ARHGAP11B: variants seen among roughly 807,000 people sequenced by gnomAD.
The protein encoded by ARHGAP11B is Rho GTPase activating protein 11B, also known as inactive Rho GTPase-activating protein 11B.
In ARHGAP11B, 14 loss-of-function variants were observed where a neutral mutation model predicts 27.6. The observed-to-expected ratio is 0.51, with a 90% CI of 0.34 to 0.79. ARHGAP11B has a LOEUF of 0.79. Ranked by LOEUF, ARHGAP11B falls within the 30% of genes least tolerant of loss-of-function variation. ARHGAP11B has a pLI of 0.02. For synonymous variants in ARHGAP11B, 82 were observed against 114.1 expected (o/e 0.72, Z 1.80); for missense variants, 245 against 320.1 (o/e 0.77, Z 1.79).
intron 7 of ARHGAP11B, among the ~76,000 whole-genome samples, chr15:30,643,129 G>C (rs2060324961): frequency 1.3e-5 from 2 of 151,878 alleles, no homozygotes; most frequent in South Asian, 4.1e-4. Context: ...AATTTTACCA[G>C]TTGCCTCTAA....
intron 2 of ARHGAP11B, 127 bp from the exon 3 acceptor site, chr15:30,633,363 A>G (rs2060257552): frequency 1.4e-6 from 1 of 699,098 alleles, no homozygotes; most frequent in South Asian, 3.7e-5. Context: ...TTTCATCTCA[A>G]AGACTACAGA....
intron 7 of ARHGAP11B, among the ~76,000 whole-genome samples, chr15:30,641,200 C>T (rs1324348395): frequency 6.6e-6 from 1 of 151,926 alleles, no homozygotes; most frequent in Non-Finnish European, 1.5e-5. Context: ...CTTTCTCAGC[C>T]ACAATTCAAC....
intron 7 of ARHGAP11B, among the ~76,000 whole-genome samples, chr15:30,642,773 G>T (rs1164131315): frequency 6.6e-6 from 1 of 152,024 alleles, no homozygotes; most frequent in East Asian, 1.9e-4. Context: ...AGAGTTTAAA[G>T]AAAAGCTCTA....
chr15:30,638,957 T>C (rs1389847863), intron 7 of ARHGAP11B, 147 bp downstream of exon 7: 3 of 420,742 alleles, frequency 7.1e-6, no homozygotes, highest in Admixed American at 4.8e-5. Context: ...ATAGTCATAC[T>C]GTACTATACA....
intron 7 of ARHGAP11B, among the ~76,000 whole-genome samples, chr15:30,639,968 T>TAG (rs1468172770): frequency 7.5e-4 from 94 of 125,482 alleles, no homozygotes; most frequent in African/African-American, 2.3e-3. Context: ...TGTTTCAATA[T>TAG]AGAGTGTGTG....
rs943591259 is a variant in ARHGAP11B at position 30,627,095 on chromosome 15, T to G, written c.129+146T>G. ...TTCAGTTCAGATGATCGATTGCTGA[T>G]ATTTAAAAAGTGACATTCTTGTTTT... On this transcript the variant is annotated intron_variant, in intron 1 of 10. Transcript: ENST00000428041. 212 of 1,294,278 alleles carry G rather than the reference T, an allele frequency of 1.6e-4. 1 individual carries two copies. Among genetic ancestry groups the G allele is most frequent in the Admixed American group, 1.0e-4 (3 of 29,604 alleles). The allele number at this position is 1,294,278 out of a possible 1,614,324, so 80.2% of individuals were successfully genotyped here.
intron 7 of ARHGAP11B, among the ~76,000 whole-genome samples, chr15:30,642,482 A>G (rs2060321386): frequency 6.6e-6 from 1 of 152,056 alleles, no homozygotes; most frequent in African/African-American, 2.4e-5. Context: ...AACAAATTAC[A>G]TTCAGGAGTC....
At chr15:30,627,126 T>C (rs1043343769) in intron 1 of ARHGAP11B, among the ~76,000 whole-genome samples, 177 bp downstream of exon 1, 17 of 151,986 alleles carry the variant, frequency 1.1e-4, no homozygotes, top group East Asian at 3.9e-4. Flanking sequence ...GTTTTTTTTT[T>C]CCCCAAGGAT....
At chr15:30,638,646 G>T in intron 6 of ARHGAP11B, 100 bp from the exon 7 acceptor site, 6 of 623,746 alleles carry the variant, frequency 9.6e-6, no homozygotes, top group Non-Finnish European at 1.6e-5. Context: ...ATAAGCCGAT[G>T]TAAAGTTACA....
intron 8 of ARHGAP11B, among the ~76,000 whole-genome samples, chr15:30,645,721 T>C (rs1457467892): frequency 1.3e-5 from 2 of 152,082 alleles, no homozygotes; most frequent in African/African-American, 2.4e-5. Context: ...AGTGATTTTA[T>C]TGGAACTTTT....
intron 1 of ARHGAP11B, among the ~76,000 whole-genome samples, chr15:30,629,065 A>G (rs2060227443): frequency 6.6e-6 from 1 of 152,106 alleles, no homozygotes; most frequent in South Asian, 2.1e-4. Flanking sequence ...TGATGATCAT[A>G]AGATTAACAA....
At chr15:30,627,170 C>T (rs918860427) in intron 1 of ARHGAP11B, among the ~76,000 whole-genome samples, 1 of 151,548 alleles carries the variant, frequency 6.6e-6, no homozygotes, top group African/African-American at 2.4e-5. Flanking sequence ...CAGGATTTTC[C>T]AACTTCAGCA....
chr15:30,629,380 C>T (rs1039214388), intron 1 of ARHGAP11B, among the ~76,000 whole-genome samples: 20 of 152,014 alleles, frequency 1.3e-4, no homozygotes, highest in Non-Finnish European at 2.5e-4. Flanking sequence ...CCCCGCCCCA[C>T]GTCTCTATTA....
chr15:30,632,636 T>A (rs567545812), intron 2 of ARHGAP11B, among the ~76,000 whole-genome samples: 20 of 151,136 alleles, frequency 1.3e-4, no homozygotes, highest in Non-Finnish European at 2.5e-4. Context: ...TCATTCTAAT[T>A]TGTGGGTCCC....
At chr15:30,637,311 C>G (rs1470351520) in intron 6 of ARHGAP11B, among the ~76,000 whole-genome samples, 1 of 152,040 alleles carries the variant, frequency 6.6e-6, no homozygotes, top group African/African-American at 2.4e-5. Flanking sequence ...TTTCTTCTAA[C>G]AGCACCACTA....
At chr15:30,630,623 T>G in intron 1 of ARHGAP11B, 80 bp from the exon 2 acceptor site, 2 of 1,561,786 alleles carry the variant, frequency 1.3e-6, no homozygotes, top group East Asian at 4.5e-5. Flanking sequence ...ATTTCCTGAG[T>G]TCTTTAATTT....
exon 1 of ARHGAP11B, chr15:30,626,311 G>A (rs956818710): frequency 1.3e-5 from 2 of 153,322 alleles, no homozygotes; most frequent in African/African-American, 4.8e-5. Flanking sequence ...GACTGGAAGA[G>A]TTGCCTGAGC....
chr15:30,641,133 T>C (rs1043684578), intron 7 of ARHGAP11B, among the ~76,000 whole-genome samples: 1 of 152,042 alleles, frequency 6.6e-6, no homozygotes, highest in Non-Finnish European at 1.5e-5. Flanking sequence ...AATAAAAAAA[T>C]TTAAAAGTTC....
At chr15:30,637,472 C>T (rs1022335550) in intron 6 of ARHGAP11B, among the ~76,000 whole-genome samples, 2 of 152,054 alleles carry the variant, frequency 1.3e-5, no homozygotes, top group Non-Finnish European at 2.9e-5. Context: ...CGATGGCTTA[C>T]GCCTGTAATT....
Sources: allele counts gnomAD v4.1 joint callset (sites outside exome capture counted in the v4.1 genomes callset), GRCh38; gene constraint gnomAD v4.1.1; transcripts MANE v1.5; gene names NCBI Gene and HGNC (gene_info 2026-07-23, HGNC 2026-07-21).